Variants in ATP8A2 observed in about 807,000 individuals in gnomAD.
ATP8A2 encodes phospholipid-transporting ATPase IB.
Under a neutral mutation model 165.6 loss-of-function variants are expected in ATP8A2, and 100 were observed. The observed-to-expected ratio is 0.60, with a 90% CI of 0.51 to 0.71. The LOEUF (loss-of-function observed/expected upper bound fraction) is 0.71, where lower values mean the gene tolerates loss of function less well. Among genes scored for constraint, ATP8A2 ranks in the 30% least tolerant of loss-of-function variants. The pLI, the probability that ATP8A2 is intolerant of heterozygous loss-of-function variation, is 0.00. For synonymous variants in ATP8A2, 543 were observed against 548.8 expected, an observed-to-expected ratio of 0.99 and a Z score of 0.15; for missense variants, 1,227 against 1,479.5, an observed-to-expected ratio of 0.83 and a Z score of 2.80.
rs1159511099 is a variant in ATP8A2, at chr13:25,953,333, G to T, written c.3184-8242G>T. On this transcript the variant is annotated intron_variant, in intron 33 of 36. Coordinates refer to ENST00000381655, the MANE Select transcript of ATP8A2 (RefSeq NM_016529.6). The surrounding 1 kb of genome is among the most constrained non-coding windows in gnomAD (Gnocchi z 6.7). ...AGACTTAAATTTTCTTCTGTAAAAT[G>T]GGGACGGGGGGGATTAAATAAAATG... is the stretch of plus-strand genomic sequence containing the variant. Among the ~76,000 whole-genome samples the T allele has an allele frequency of 2.0e-5, 3 of 151,016 alleles. No individual in the cohort carries two copies. Among genetic ancestry groups the T allele is most frequent in the Non-Finnish European group, 4.4e-5 (3 of 67,918 alleles).
chr13:25,749,892 T>G (rs2044117180), intron 25 of ATP8A2, among the ~76,000 whole-genome samples: 1 of 152,144 alleles, frequency 6.6e-6, no homozygotes, highest in South Asian at 2.1e-4. Flanking sequence ...CCAGGCATGG[T>G]GGCACGTACC....
chr13:25,653,060 A>G (rs573638834), intron 24 of ATP8A2, among the ~76,000 whole-genome samples: 1 of 152,282 alleles, frequency 6.6e-6, no homozygotes, highest in Admixed American at 6.5e-5. Context: ...TCCCTGCTGG[A>G]TTGTAAACGT....
chr13:25,918,646 C>T (rs1481359908), intron 33 of ATP8A2, among the ~76,000 whole-genome samples: 1 of 152,052 alleles, frequency 6.6e-6, no homozygotes, highest in Admixed American at 6.6e-5. Flanking sequence ...AAGCCTCCCC[C>T]CCGCAACAAT....
intron 26 of ATP8A2, 24 bp downstream of exon 26, chr13:25,769,253 G>T (rs371724723): frequency 1.2e-5 from 19 of 1,593,588 alleles, no homozygotes; most frequent in South Asian, 2.2e-5. Flanking sequence ...GCGTCCAGCT[G>T]CCCTGTCCTG....
At chr13:25,521,659 C>A (rs906339484) in intron 2 of ATP8A2, among the ~76,000 whole-genome samples, 15 of 152,088 alleles carry the variant, frequency 9.9e-5, no homozygotes, top group African/African-American at 3.4e-4. Context: ...TTCTTAGCGC[C>A]TTTGTTAAAA....
intron 24 of ATP8A2, among the ~76,000 whole-genome samples, chr13:25,671,052 A>G (rs959154061): frequency 2.6e-5 from 4 of 152,370 alleles, no homozygotes; most frequent in South Asian, 4.1e-4. Flanking sequence ...GGCTGAAGCC[A>G]TGGCAGAAGA....
At chr13:26,009,417 G>A (rs926103062) in intron 35 of ATP8A2, among the ~76,000 whole-genome samples, 2 of 152,214 alleles carry the variant, frequency 1.3e-5, no homozygotes, top group South Asian at 4.1e-4. Context: ...TGCACTGAGG[G>A]CATCTGCGCA....
chr13:25,871,525 G>A (rs1242716124), intron 33 of ATP8A2, among the ~76,000 whole-genome samples: 2 of 152,168 alleles, frequency 1.3e-5, no homozygotes, highest in African/African-American at 4.8e-5. Context: ...GACCACGGTA[G>A]GTTAGAGAAG....
At chr13:25,936,039 T>C (rs941496210) in intron 33 of ATP8A2, among the ~76,000 whole-genome samples, 2 of 152,178 alleles carry the variant, frequency 1.3e-5, no homozygotes, top group South Asian at 4.1e-4. Flanking sequence ...AAAGTAGGTG[T>C]TAGCATCAGC....
intron 27 of ATP8A2, among the ~76,000 whole-genome samples, chr13:25,816,333 C>T (rs545309693): frequency 6.6e-6 from 1 of 152,280 alleles, no homozygotes; most frequent in East Asian, 1.9e-4. Flanking sequence ...CTGAATCCAG[C>T]CCTCTTCTCT....
chr13:25,457,806 A>G (rs2035403029), intron 1 of ATP8A2, among the ~76,000 whole-genome samples: 1 of 152,260 alleles, frequency 6.6e-6, no homozygotes, highest in African/African-American at 2.4e-5. Flanking sequence ...CTGAGAAGAA[A>G]ACGTGATACA....
chr13:25,465,755 C>CTCTCTCTCTCTCTCTCTCTCTCTT (rs746455176), intron 1 of ATP8A2, among the ~76,000 whole-genome samples: 1 of 11,834 alleles, frequency 8.5e-5, no homozygotes, highest in Admixed American at 1.8e-3. Context: ...CTCCCTCTCT[C>CTCTCTCTCTCTCTCTCTCTCTCTT]TCTCTCTTTC....
At chr13:25,474,824 A>G (rs1288649050) in intron 2 of ATP8A2, among the ~76,000 whole-genome samples, 1 of 150,492 alleles carries the variant, frequency 6.6e-6, no homozygotes, top group Non-Finnish European at 1.5e-5. Context: ...CTAGTACTCA[A>G]TAGTTATTAT....
intron 25 of ATP8A2, among the ~76,000 whole-genome samples, chr13:25,699,576 G>A (rs546584087): frequency 3.5e-4 from 53 of 152,310 alleles, no homozygotes; most frequent in African/African-American, 1.3e-3. Flanking sequence ...AAAAGAGTAA[G>A]AACCAGGGCT....
intron 24 of ATP8A2, among the ~76,000 whole-genome samples, chr13:25,652,533 T>A (rs1302181756): frequency 1.3e-5 from 2 of 152,204 alleles, no homozygotes; most frequent in East Asian, 3.8e-4. Flanking sequence ...TCAAAAAATT[T>A]AGGATATTTT....
chr13:25,902,501 A>G (rs1019672677), intron 33 of ATP8A2, among the ~76,000 whole-genome samples: 1 of 152,080 alleles, frequency 6.6e-6, no homozygotes, highest in South Asian at 2.1e-4. Flanking sequence ...ACTTTGGGCC[A>G]TAAGTGTTTG....
chr13:25,586,044 C>T (rs1476835830), intron 23 of ATP8A2, among the ~76,000 whole-genome samples: 1 of 152,084 alleles, frequency 6.6e-6, no homozygotes, highest in Non-Finnish European at 1.5e-5. Flanking sequence ...CTATTATGTG[C>T]CCGATACTGC....
intron 32 of ATP8A2, among the ~76,000 whole-genome samples, chr13:25,862,055 T>G (rs1385803712): frequency 1.3e-5 from 2 of 152,132 alleles, no homozygotes; most frequent in Non-Finnish European, 2.9e-5. Context: ...TAGAGTAAGG[T>G]CACCTGTGAC....
chr13:25,751,572 G>T (rs2044154408), intron 25 of ATP8A2, among the ~76,000 whole-genome samples: 1 of 152,078 alleles, frequency 6.6e-6, no homozygotes, highest in South Asian at 2.1e-4. Flanking sequence ...GAGTAGCTGG[G>T]ACTACAGGCG....
Sources: gnomAD v4.1 joint callset for allele counts (sites outside exome capture counted in the v4.1 genomes callset) on GRCh38, gnomAD v4.1.1 for gene constraint, Gnocchi (gnomAD v3.1) non-coding constraint, MANE v1.5 for transcripts, NCBI Gene and HGNC (gene_info 2026-07-23, HGNC 2026-07-21) for gene names.